RNGTT: variants seen among roughly 807,000 people sequenced by gnomAD.
RNGTT encodes the protein RNA guanylyltransferase and 5'-phosphatase, also known as mRNA-capping enzyme.
RNGTT carries 33 observed loss-of-function variants against 79.3 expected under a neutral mutation model. The ratio of observed to expected loss-of-function variants is 0.42; its 90% CI spans 0.32 to 0.56. The LOEUF is 0.56. Among genes scored for constraint, RNGTT ranks in the 20% least tolerant of loss-of-function variants. The pLI is 0.17. For missense variants in RNGTT, 497 were observed against 739.1 expected (o/e 0.67, Z 3.80); for synonymous variants, 222 against 235.9 (o/e 0.94, Z 0.54).
chr6:88,704,348 TTTTG>T (rs2127803648), intron 13 of RNGTT, among the ~76,000 whole-genome samples: 1 of 152,012 alleles, frequency 6.6e-6, no homozygotes, highest in South Asian at 2.1e-4. Flanking sequence ...ATTTTATTGA[TTTTG>T]TTTAATTACC....
intron 14 of RNGTT, among the ~76,000 whole-genome samples, chr6:88,644,873 A>C (rs1447060303): frequency 6.6e-6 from 1 of 152,248 alleles, no homozygotes; most frequent in Non-Finnish European, 1.5e-5. Flanking sequence ...AGAGCTATTT[A>C]TGACAAAGCC....
At chr6:88,879,140 T>C (rs771957361) in intron 8 of RNGTT, among the ~76,000 whole-genome samples, 5 of 152,214 alleles carry the variant, frequency 3.3e-5, no homozygotes, top group Non-Finnish European at 7.4e-5. Flanking sequence ...CTCATGCCTG[T>C]AATCCCAGCA....
At chr6:88,668,007 C>G (rs1774483161) in intron 14 of RNGTT, among the ~76,000 whole-genome samples, 1 of 152,132 alleles carries the variant, frequency 6.6e-6, no homozygotes, top group Non-Finnish European at 1.5e-5. Flanking sequence ...CTTCCAGGCA[C>G]TCCTCAGGAG....
chr6:88,636,854 T>C (rs1355273542), intron 14 of RNGTT, among the ~76,000 whole-genome samples: 1 of 151,886 alleles, frequency 6.6e-6, no homozygotes, highest in East Asian at 1.9e-4. Context: ...ATCTAGTATC[T>C]TCCTCATCTT....
intron 14 of RNGTT, among the ~76,000 whole-genome samples, chr6:88,668,841 TG>T (rs1299609936): frequency 1.3e-5 from 2 of 152,050 alleles, no homozygotes; most frequent in Admixed American, 6.5e-5. Flanking sequence ...AAGCTAGGGA[TG>T]GGATGTGGTT....
chr6:88,651,184 C>G (rs1773783863), intron 14 of RNGTT, among the ~76,000 whole-genome samples: 1 of 151,942 alleles, frequency 6.6e-6, no homozygotes, highest in South Asian at 2.1e-4. Flanking sequence ...TCCCTTTGGT[C>G]AAGTCACTTA....
chr6:88,772,638 C>A (rs1234501937), intron 12 of RNGTT, among the ~76,000 whole-genome samples: 2 of 150,376 alleles, frequency 1.3e-5, no homozygotes, highest in Non-Finnish European at 3.0e-5. Context: ...AAAAAAAAGA[C>A]CCCATCAAAA....
At chr6:88,664,779 G>A (rs775689555) in intron 14 of RNGTT, among the ~76,000 whole-genome samples, 22 of 152,184 alleles carry the variant, frequency 1.4e-4, no homozygotes, top group Non-Finnish European at 2.4e-4. Context: ...TTGGACCGAA[G>A]GGGACCAGGC....
chr6:88,785,726 A>G (rs1306994735), intron 12 of RNGTT, among the ~76,000 whole-genome samples: 1 of 152,190 alleles, frequency 6.6e-6, no homozygotes, highest in Non-Finnish European at 1.5e-5. Flanking sequence ...GAGGAAAACC[A>G]TTCTAATTTG....
intron 11 of RNGTT, among the ~76,000 whole-genome samples, chr6:88,812,994 T>C (rs935325271): frequency 2.6e-5 from 4 of 152,192 alleles, no homozygotes; most frequent in Admixed American, 2.6e-4. Context: ...ACTACTAATA[T>C]ATGCCAGGTA....
intron 14 of RNGTT, among the ~76,000 whole-genome samples, chr6:88,638,119 T>A (rs1773168486): frequency 6.6e-6 from 1 of 151,980 alleles, no homozygotes. Context: ...GCCTGCCACC[T>A]CTCTCACAAT....
intron 11 of RNGTT, among the ~76,000 whole-genome samples, chr6:88,814,152 A>G (rs1426528519): frequency 6.6e-6 from 1 of 152,172 alleles, no homozygotes; most frequent in Non-Finnish European, 1.5e-5. Flanking sequence ...TTGTGTACGT[A>G]TTATGAAAGG....
At chr6:88,697,973 CAT>C (rs1168204412) in intron 13 of RNGTT, among the ~76,000 whole-genome samples, 28 of 75,480 alleles carry the variant, frequency 3.7e-4, no homozygotes, top group East Asian at 2.8e-3. Context: ...ATATGAAATA[CAT>C]ATATATGATA....
intron 12 of RNGTT, among the ~76,000 whole-genome samples, chr6:88,783,743 G>C (rs1486134279): frequency 6.6e-6 from 1 of 151,160 alleles, no homozygotes; most frequent in Non-Finnish European, 1.5e-5. Flanking sequence ...TTGACTCTTT[G>C]TTGTGGGGGC....
At chr6:88,643,236 G>C (rs1773393810) in intron 14 of RNGTT, among the ~76,000 whole-genome samples, 1 of 151,968 alleles carries the variant, frequency 6.6e-6, no homozygotes, top group Non-Finnish European at 1.5e-5. Flanking sequence ...ACACAAAAGA[G>C]AGCATAAATC....
intron 8 of RNGTT, among the ~76,000 whole-genome samples, chr6:88,860,961 G>A (rs1781995495): frequency 6.6e-6 from 1 of 151,988 alleles, no homozygotes; most frequent in African/African-American, 2.4e-5. Flanking sequence ...TTAATACCAA[G>A]GGTTACATAA....
chr6:88,764,477 T>A (rs1778378896), intron 13 of RNGTT, among the ~76,000 whole-genome samples: 1 of 152,184 alleles, frequency 6.6e-6, no homozygotes, highest in Non-Finnish European at 1.5e-5. Flanking sequence ...GCAACTTTCC[T>A]GGAAACACAT....
intron 13 of RNGTT, among the ~76,000 whole-genome samples, chr6:88,721,689 T>C (rs1776716169): frequency 6.6e-6 from 1 of 152,232 alleles, no homozygotes. Flanking sequence ...CAACCTTCCT[T>C]ACAGTCTAAG....
At chr6:88,700,087 G>GA (rs1195837607) in intron 13 of RNGTT, among the ~76,000 whole-genome samples, 2 of 152,194 alleles carry the variant, frequency 1.3e-5, no homozygotes, top group Middle Eastern at 3.4e-3. Flanking sequence ...TGTCATGACA[G>GA]AAAAAAGGTG....
Sources: allele counts gnomAD v4.1 joint callset (sites outside exome capture counted in the v4.1 genomes callset), GRCh38; gene constraint gnomAD v4.1.1; transcripts MANE v1.5; gene names NCBI Gene and HGNC (gene_info 2026-07-23, HGNC 2026-07-21).